RGS13: variants seen among roughly 807,000 people sequenced by gnomAD.
The protein encoded by RGS13 is regulator of G protein signaling 13, also known as regulator of G-protein signalling 13.
Under a neutral mutation model 19.9 loss-of-function variants are expected in RGS13, and 14 were observed. That is an observed-to-expected ratio of 0.70 (90% CI 0.46 to 1.10). The LOEUF (loss-of-function observed/expected upper bound fraction) is 1.10, where lower values mean the gene tolerates loss of function less well. Ranked by LOEUF, RGS13 falls within the 50% of genes least tolerant of loss-of-function variation. The pLI, the probability that RGS13 is intolerant of heterozygous loss-of-function variation, is 0.00. For missense variants in RGS13, 205 were observed against 187.1 expected (o/e 1.10, Z -0.56); for synonymous variants, 60 against 56.8 (o/e 1.06, Z -0.25).
rs1663576344 is a variant in RGS13, at chr1:192,659,705, C to T, written c.*182C>T. ...GCAATGGAATCTAGAATTCTTATAA[C>T]ATGAATAACAAAATGTACAGCAAGC... On this transcript the variant is annotated 3_prime_UTR_variant, in exon 7 of 7. Coordinates refer to ENST00000391995, the MANE Select transcript of RGS13 (RefSeq NM_002927.5). The T allele has an allele frequency of 1.1e-5, 6 of 553,624 alleles. No individual in the cohort carries two copies. Among genetic ancestry groups the T allele is most frequent in the Non-Finnish European group, 1.9e-5 (6 of 315,642 alleles). 34.3% of individuals were successfully genotyped at this position (553,624 alleles called of 1,614,324 possible). A position where few individuals can be genotyped will look rare whatever the true frequency, so the allele number is the denominator to read the frequency against.
intron 4 of RGS13, chr1:192,644,742 A>T (rs1663185626): frequency 5.7e-6 from 1 of 174,338 alleles, no homozygotes; most frequent in Admixed American, 6.3e-5. Context: ...AAGTGCCAGA[A>T]AGCTTCATCC....
At position 192,644,391 on chromosome 1, in the gene RGS13, C is replaced by T. The variant is rs757330335; in HGVS notation, c.57C>T (p.Pro19=). The T allele has an allele frequency of 1.2e-6, 2 of 1,608,798 alleles. No individual in the cohort carries two copies. The highest frequency in any genetic ancestry group is 2.2e-5 in the South Asian group (2 of 90,374). Residue 19 remains proline (P), a synonymous_variant, in exon 4 of 7, where the codon CCC becomes CCT. Coordinates refer to ENST00000391995, the MANE Select transcript of RGS13 (RefSeq NM_002927.5). ...CKMCRDESKR[P]PSNLTLEEVL... is the part of the protein sequence containing the mutation. ...TGTGCAGAGATGAATCTAAGAGGCCCCCTTCAAAGTAAGTAGCATTTAAGT... is the reference window on the plus strand; with the variant it reads ...TGTGCAGAGATGAATCTAAGAGGCCTCCTTCAAAGTAAGTAGCATTTAAGT...
chr1:192,639,732 G>A (rs996771164), intron 3 of RGS13, among the ~76,000 whole-genome samples: 1 of 152,062 alleles, frequency 6.6e-6, no homozygotes, highest in East Asian at 1.9e-4. Context: ...TATGCGCAAG[G>A]TCACACAGCT....
At chr1:192,645,129 T>C (rs1474663478) in intron 4 of RGS13, 2 of 152,268 alleles carry the variant, frequency 1.3e-5, no homozygotes, top group African/African-American at 2.4e-5. Context: ...TCAGAGGAGA[T>C]AGTAAGACCC....
chr1:192,641,236 GAAAGAAAGA>G (rs1163998960), intron 3 of RGS13, among the ~76,000 whole-genome samples: 1,173 of 94,546 alleles, frequency 0.012, 18 homozygotes, highest in South Asian at 0.032. Context: ...AAGAAAGAAA[GAAAGAAAGA>G]AAAGAAAGAA....
At chr1:192,650,478 G>A (rs6663609) in intron 5 of RGS13, among the ~76,000 whole-genome samples, 3,417 of 152,184 alleles carry the variant, frequency 0.022, 55 homozygotes, top group Admixed American at 0.037. Flanking sequence ...AATGCATGCT[G>A]TAGCTGAGAT....
chr1:192,641,777 C>T (rs993952084), intron 3 of RGS13, among the ~76,000 whole-genome samples: 5 of 152,120 alleles, frequency 3.3e-5, no homozygotes, highest in Admixed American at 2.6e-4. Flanking sequence ...TGGACGATCT[C>T]GTCATTTTTT....
chr1:192,645,580 G>T (rs1187506822), intron 4 of RGS13: 3 of 152,088 alleles, frequency 2.0e-5, no homozygotes, highest in African/African-American at 2.4e-5. Flanking sequence ...CAACATCATG[G>T]TATCTTAAAA....
At chr1:192,644,666 A>T in intron 4 of RGS13, 1 of 288,736 alleles carries the variant, frequency 3.5e-6, no homozygotes. Flanking sequence ...AACAAAGAAT[A>T]TTGTTTGTGT....
chr1:192,641,244 GA>G (rs66982141), intron 3 of RGS13, among the ~76,000 whole-genome samples: 24,876 of 92,042 alleles, frequency 0.27, 2,973 homozygotes, highest in East Asian at 0.39. Flanking sequence ...AAGAAAGAAA[GA>G]AAAGAAAGAA....
chr1:192,636,644 A>G (rs945526559), intron 1 of RGS13, among the ~76,000 whole-genome samples: 3 of 152,040 alleles, frequency 2.0e-5, no homozygotes, highest in African/African-American at 7.2e-5. Context: ...AGATAAAAAC[A>G]TATTATAAAA....
At chr1:192,656,794 T>C (rs1663452158) in intron 5 of RGS13, among the ~76,000 whole-genome samples, 1 of 152,028 alleles carries the variant, frequency 6.6e-6, no homozygotes, top group Non-Finnish European at 1.5e-5. Flanking sequence ...TTAGAAGAGA[T>C]CTACTTCTAT....
chr1:192,642,413 C>G (rs904895327), intron 3 of RGS13, among the ~76,000 whole-genome samples: 2 of 151,842 alleles, frequency 1.3e-5, no homozygotes, highest in African/African-American at 4.8e-5. Flanking sequence ...CCTCAACCCC[C>G]TGGGCTCAAG....
At chr1:192,642,859 G>GT (rs1663149792) in intron 3 of RGS13, among the ~76,000 whole-genome samples, 1 of 151,656 alleles carries the variant, frequency 6.6e-6, no homozygotes, top group Non-Finnish European at 1.5e-5. Flanking sequence ...GGGATTTTTT[G>GT]TTTTTGTTTT....
intron 3 of RGS13, among the ~76,000 whole-genome samples, chr1:192,642,229 A>G (rs1663136178): frequency 6.6e-6 from 1 of 151,966 alleles, no homozygotes; most frequent in Non-Finnish European, 1.5e-5. Context: ...ACATTTTTAA[A>G]CATGATTATT....
At chr1:192,639,928 A>G (rs1558048645) in intron 3 of RGS13, among the ~76,000 whole-genome samples, 1 of 152,166 alleles carries the variant, frequency 6.6e-6, no homozygotes, top group Admixed American at 6.6e-5. Context: ...TGCTTTTGCC[A>G]ATTTCATTAA....
chr1:192,659,638 A>C lies in RGS13; in HGVS notation c.*115A>C. 1 of 740,564 alleles carries C rather than the reference A, an allele frequency of 1.4e-6. No individual in the cohort carries two copies. Among genetic ancestry groups the C allele is most frequent in the Non-Finnish European group, 2.2e-6 (1 of 455,588 alleles). The allele number at this position is 740,564 out of a possible 1,614,324, so 45.9% of individuals were successfully genotyped here. A position where few individuals can be genotyped will look rare whatever the true frequency, so the allele number is the denominator to read the frequency against. ...GTACAAATAAAACAGAAATCAAACT[A>C]TAAGTTGACTTTTAGTTCCTAAAAA... On this transcript the variant is annotated 3_prime_UTR_variant, in exon 7 of 7. Transcript: ENST00000391995.
At chr1:192,645,222 G>A (rs1390808374) in intron 4 of RGS13, 1 of 152,168 alleles carries the variant, frequency 6.6e-6, no homozygotes. Flanking sequence ...TGCTAATTAA[G>A]GGACAGCTCT....
At chr1:192,641,240 G>GAAAGAA (rs1558049146) in intron 3 of RGS13, among the ~76,000 whole-genome samples, 1 of 90,570 alleles carries the variant, frequency 1.1e-5, no homozygotes, top group African/African-American at 5.0e-5. Context: ...AAGAAAGAAA[G>GAAAGAA]AAAGAAAAGA....
Sources: gnomAD v4.1 joint callset for allele counts (sites outside exome capture counted in the v4.1 genomes callset) on GRCh38, gnomAD v4.1.1 for gene constraint, MANE v1.5 for transcripts, NCBI Gene and HGNC (gene_info 2026-07-23, HGNC 2026-07-21) for gene names.